The following ZNF724 variants were observed in gnomAD, a reference collection of about 807,000 sequenced individuals.
The protein encoded by ZNF724 is zinc finger protein 724 pseudogene.
A neutral mutation model predicts 29.3 loss-of-function variants in ZNF724; 14 were observed. The observed-to-expected ratio is 0.48, with a 90% CI of 0.32 to 0.75. The LOEUF (loss-of-function observed/expected upper bound fraction) is 0.75, where lower values mean the gene tolerates loss of function less well. ZNF724 is among the 30% of genes least tolerant of loss of function. The probability of loss-of-function intolerance (pLI) is 0.04; values close to 1 mark genes in which losing one functional copy is unlikely to be tolerated. For synonymous variants in ZNF724, 180 were observed against 193.6 expected (o/e 0.93, Z 0.58); for missense variants, 557 against 571.2 (o/e 0.98, Z 0.25).
chr19:23,240,251 G>A (rs963731069), intron 1 of ZNF724, among the ~76,000 whole-genome samples: 1 of 150,138 alleles, frequency 6.7e-6, no homozygotes, highest in African/African-American at 2.5e-5. Flanking sequence ...AGGAGGTGGA[G>A]GCTGCCTGGG....
At chr19:23,247,033 G>A (rs1445315773) in intron 1 of ZNF724, among the ~76,000 whole-genome samples, 1 of 152,104 alleles carries the variant, frequency 6.6e-6, no homozygotes, top group African/African-American at 2.4e-5. Flanking sequence ...GACCAGCCTG[G>A]CCAACATGGC....
At chr19:23,224,846 T>C (rs1467089781) in intron 3 of ZNF724, among the ~76,000 whole-genome samples, 2 of 152,010 alleles carry the variant, frequency 1.3e-5, no homozygotes, top group Non-Finnish European at 2.9e-5. Flanking sequence ...TCCCAGCTAC[T>C]TGGGAGGCTA....
chr19:23,242,149 C>A (rs1599647507), intron 1 of ZNF724, among the ~76,000 whole-genome samples: 2 of 152,148 alleles, frequency 1.3e-5, no homozygotes, highest in Non-Finnish European at 2.9e-5. Flanking sequence ...AATAAGGTAT[C>A]TAGGAATACA....
rs1417826912 is a variant in ZNF724 at position 23,223,268 on chromosome 19, G to A, written c.977C>T (p.Thr326Ile). 1 of 839,140 alleles carries A rather than the reference G, an allele frequency of 1.2e-6. No individual in the cohort carries two copies. Among genetic ancestry groups the A allele is most frequent in the South Asian group, 1.3e-5 (1 of 74,580 alleles). 52.0% of individuals were successfully genotyped at this position (839,140 alleles called of 1,614,324 possible). Residue 326 changes from threonine to isoleucine, a missense_variant, in exon 4 of 4, where the codon ACT becomes ATT. This residue lies in a region of ZNF724 where 362 missense variants were observed against 295.5 expected (regional missense o/e 1.22). Coordinates refer to ENST00000418100, the MANE Select transcript of ZNF724 (RefSeq NM_001355404.2). Reference sequence around the variant, plus strand: ...ACCAGTATGAATTCTCTTATGTTTAGTAAGGTTCGAGGATTGGTTAAAAGC... The same window carrying A: ...ACCAGTATGAATTCTCTTATGTTTAATAAGGTTCGAGGATTGGTTAAAAGC... ...GRAFNQSSNLTKHKRIHTGDK... is the reference protein window; with the variant it reads ...GRAFNQSSNLIKHKRIHTGDK...
chr19:23,228,947 C>T (rs1971887257), intron 3 of ZNF724, among the ~76,000 whole-genome samples: 1 of 151,564 alleles, frequency 6.6e-6, no homozygotes, highest in African/African-American at 2.4e-5. Flanking sequence ...GCTTATAATC[C>T]CAGCTACTGG....
At chr19:23,229,976 C>T (rs1400821386) in intron 3 of ZNF724, among the ~76,000 whole-genome samples, 1 of 151,990 alleles carries the variant, frequency 6.6e-6, no homozygotes, top group Non-Finnish European at 1.5e-5. Flanking sequence ...ATCATATAAT[C>T]TCATATATAA....
chr19:23,235,492 T>C (rs963026141), intron 1 of ZNF724, among the ~76,000 whole-genome samples: 6 of 152,224 alleles, frequency 3.9e-5, no homozygotes, highest in Non-Finnish European at 1.5e-5. Flanking sequence ...AATTTAAAAA[T>C]TAAGATGCTA....
At chr19:23,238,353 C>T (rs972738196) in intron 1 of ZNF724, among the ~76,000 whole-genome samples, 28 of 82,002 alleles carry the variant, frequency 3.4e-4, no homozygotes, top group Middle Eastern at 7.9e-3. Context: ...AGCGAGACTC[C>T]ACCTCAAAAA....
Position 23,222,002 on chromosome 19 carries a change from T to C in ZNF724, c.*383A>G, listed in dbSNP as rs1043573324. On this transcript the variant is annotated 3_prime_UTR_variant, in exon 4 of 4. Transcript: ENST00000418100. ...TAATGCTTCTATTAAGTATGAACTC[T>C]CTGATATTGAATAAGATGTGAACAG... is the stretch of plus-strand genomic sequence containing the variant. 1.6e-5 allele frequency: 3 copies of C among 184,638 alleles called. No homozygotes were observed. Among genetic ancestry groups the C allele is most frequent in the African/African-American group, 7.1e-5 (3 of 42,016 alleles). 11.4% of individuals were successfully genotyped at this position (184,638 alleles called of 1,614,324 possible). A position where few individuals can be genotyped will look rare whatever the true frequency, so the allele number is the denominator to read the frequency against.
chr19:23,242,009 A>C (rs74562860), intron 1 of ZNF724, among the ~76,000 whole-genome samples: 2,234 of 152,312 alleles, frequency 0.015, 53 homozygotes, highest in African/African-American at 0.05. Context: ...AATGCTCTAT[A>C]AACTGACAAC....
At chr19:23,242,388 G>C (rs1219244018) in intron 1 of ZNF724, among the ~76,000 whole-genome samples, 1 of 151,914 alleles carries the variant, frequency 6.6e-6, no homozygotes, top group Non-Finnish European at 1.5e-5. Context: ...AGACCAGTCA[G>C]GACAACATAA....
intron 1 of ZNF724, among the ~76,000 whole-genome samples, chr19:23,234,537 C>T (rs1163125942): frequency 6.6e-6 from 1 of 152,052 alleles, no homozygotes. Flanking sequence ...CCACAACCTC[C>T]ACCTCCTGGG....
At chr19:23,242,187 C>A (rs1000673735) in intron 1 of ZNF724, among the ~76,000 whole-genome samples, 1 of 152,056 alleles carries the variant, frequency 6.6e-6, no homozygotes, top group Non-Finnish European at 1.5e-5. Context: ...AAGATCTCTA[C>A]GACAACAATT....
chr19:23,223,012 T>C lies in ZNF724; in HGVS notation c.1233A>G (p.Thr411=). 1 of 1,342,418 alleles carries C rather than the reference T, an allele frequency of 7.4e-7. No homozygotes were observed. Among genetic ancestry groups the C allele is most frequent in the Non-Finnish European group, 1.1e-6 (1 of 933,908 alleles). The allele number at this position is 1,342,418 out of a possible 1,614,324, so 83.2% of individuals were successfully genotyped here. A position where few individuals can be genotyped will look rare whatever the true frequency, so the allele number is the denominator to read the frequency against. ...TCTCTCCGGTATGAATTCTTTTATG[T>C]GTGGTGAGGTGTGAGGATGTGTTAA... ...KAFNTSSHLT[T]HKRIHTGEKP... The change falls in exon 4 of 4, where the codon ACA becomes ACG. Residue 411 remains threonine (T), a synonymous_variant. Coordinates refer to ENST00000418100, the MANE Select transcript of ZNF724 (RefSeq NM_001355404.2).
chr19:23,249,704 TTA>T lies in ZNF724; in HGVS notation c.3+534_3+535del, dbSNP rs566361675. ...GCAGGCCACTGTGCCAGACTAATTTTTATATTTTTAGTAGAGATGGGGTTTCG... is the reference window on the plus strand; with the variant it reads ...GCAGGCCACTGTGCCAGACTAATTTTTATTTTTAGTAGAGATGGGGTTTCG... On this transcript the variant is annotated intron_variant, in intron 1 of 3. Coordinates refer to ENST00000418100, the MANE Select transcript of ZNF724 (RefSeq NM_001355404.2). 3.4e-4 allele frequency among the ~76,000 whole-genome samples: 51 copies of T among 152,158 alleles called. No homozygotes were observed. The South Asian group carries it at 6.4e-3, about 19-fold the overall frequency.
intron 1 of ZNF724, among the ~76,000 whole-genome samples, chr19:23,235,225 A>T (rs543368541): frequency 6.6e-6 from 1 of 151,122 alleles, no homozygotes; most frequent in East Asian, 2.0e-4. Flanking sequence ...ACAGCTGTTT[A>T]ATAATTCCCA....
chr19:23,223,999 G>A lies in ZNF724; in HGVS notation c.246C>T (p.Ala82=), dbSNP rs8110795. Residue 82 remains alanine, a synonymous_variant, in exon 4 of 4, where the codon GCC becomes GCT. Transcript: ENST00000418100. The part of the protein sequence containing the change: ...AKPPGMCCYF[A]QDLRPEQSIK... Reference sequence around the variant, plus strand: ...TGCTCTGCTCTGGCCGAAGGTCTTGGGCAAAATAACAACACATACCTGAAA... The same window carrying A: ...TGCTCTGCTCTGGCCGAAGGTCTTGAGCAAAATAACAACACATACCTGAAA... 17 of 665,134 alleles carry A rather than the reference G, an allele frequency of 2.6e-5. No homozygotes were observed. Among genetic ancestry groups the A allele is most frequent in the Admixed American group, 2.7e-5 (1 of 37,540 alleles). The allele number at this position is 665,134 out of a possible 1,614,324, so 41.2% of individuals were successfully genotyped here. A position where few individuals can be genotyped will look rare whatever the true frequency, so the allele number is the denominator to read the frequency against.
At chr19:23,237,466 A>G (rs756212975) in intron 1 of ZNF724, among the ~76,000 whole-genome samples, 51 of 152,110 alleles carry the variant, frequency 3.4e-4, no homozygotes, top group Admixed American at 3.3e-4. Context: ...TGTACTAGTA[A>G]TAATGTAGAA....
In ZNF724 at chr19:23,232,304, C is replaced by A; in HGVS notation, c.4-11G>T. 1 of 1,176,552 alleles carries A rather than the reference C, an allele frequency of 8.5e-7. No individual in the cohort carries two copies. Among genetic ancestry groups the A allele is most frequent in the East Asian group, 2.4e-5 (1 of 42,396 alleles). 72.9% of individuals were successfully genotyped at this position (1,176,552 alleles called of 1,614,324 possible). ...AAATGTCAATGGTCCCTGAAAAGTACACACACACATATTTACGAAGTGGCC... is the reference window on the plus strand; with the variant it reads ...AAATGTCAATGGTCCCTGAAAAGTAAACACACACATATTTACGAAGTGGCC... On this transcript the variant is annotated splice_polypyrimidine_tract_variant and intron_variant, in intron 1 of 3. Coordinates refer to ENST00000418100, the MANE Select transcript of ZNF724 (RefSeq NM_001355404.2).
Sources: allele counts gnomAD v4.1 joint callset (sites outside exome capture counted in the v4.1 genomes callset), GRCh38; gene constraint gnomAD v4.1.1; regional missense constraint gnomAD v4.1.1; transcripts MANE v1.5; gene names NCBI Gene and HGNC (gene_info 2026-07-23, HGNC 2026-07-21).